Variants in RFX3 observed in about 807,000 individuals in gnomAD.
The protein encoded by RFX3 is transcription factor RFX3.
In RFX3, 14 loss-of-function variants were observed where a neutral mutation model predicts 98.6. The observed-to-expected ratio is 0.14, with a 90% CI of 0.09 to 0.22. RFX3 has a LOEUF of 0.22. RFX3 is among the 10% of genes least tolerant of loss of function. The pLI is 1.00. For synonymous variants in RFX3, 383 were observed against 328.4 expected (o/e 1.17, Z -1.80); for missense variants, 639 against 926.9 (o/e 0.69, Z 4.03).
At chr9:3,314,357 G>A (rs1830321379) in intron 4 of RFX3, among the ~76,000 whole-genome samples, 1 of 152,156 alleles carries the variant, frequency 6.6e-6, no homozygotes, top group Non-Finnish European at 1.5e-5. Flanking sequence ...TGCCTTACAA[G>A]AGCTGCTGAA....
chr9:3,515,481 A>G (rs1324132028), intron 1 of RFX3, among the ~76,000 whole-genome samples: 1 of 152,168 alleles, frequency 6.6e-6, no homozygotes, highest in Non-Finnish European at 1.5e-5. Flanking sequence ...ACGCCCCGTA[A>G]GTCCCACCTC....
intron 1 of RFX3, among the ~76,000 whole-genome samples, chr9:3,518,237 TAAGTA>T (rs1818366282): frequency 6.6e-6 from 1 of 152,204 alleles, no homozygotes; most frequent in Non-Finnish European, 1.5e-5. Context: ...TCCATATCAT[TAAGTA>T]ATGTATGACT....
chr9:3,427,299 T>C (rs190508188), intron 1 of RFX3, among the ~76,000 whole-genome samples: 5 of 143,032 alleles, frequency 3.5e-5, no homozygotes, highest in African/African-American at 1.3e-4. Context: ...TATATAAATA[T>C]ATATTGTATT....
chr9:3,275,797 A>G (rs1238862706), intron 8 of RFX3, among the ~76,000 whole-genome samples, 185 bp from the exon 9 acceptor site: 1 of 152,120 alleles, frequency 6.6e-6, no homozygotes, highest in Non-Finnish European at 1.5e-5. Flanking sequence ...CACAAAATAT[A>G]AAACTAAAGG....
chr9:3,396,378 T>A (rs1840877112), intron 1 of RFX3, among the ~76,000 whole-genome samples: 1 of 152,226 alleles, frequency 6.6e-6, no homozygotes, highest in Non-Finnish European at 1.5e-5. Context: ...ACTCATCATT[T>A]TTTATGGCTG....
intron 4 of RFX3, among the ~76,000 whole-genome samples, chr9:3,320,683 A>C (rs1831168266): frequency 6.8e-6 from 1 of 147,956 alleles, no homozygotes; most frequent in Non-Finnish European, 1.5e-5. Context: ...TTTTCATATA[A>C]ATGTGTACAT....
intron 2 of RFX3, among the ~76,000 whole-genome samples, chr9:3,350,471 T>C (rs946822961): frequency 6.6e-6 from 1 of 152,016 alleles, no homozygotes; most frequent in South Asian, 2.1e-4. Flanking sequence ...TTGGGAGGGA[T>C]GGAAAATGGT....
intron 1 of RFX3, among the ~76,000 whole-genome samples, chr9:3,443,848 C>T (rs761264704): frequency 5.9e-5 from 9 of 152,194 alleles, no homozygotes; most frequent in Middle Eastern, 3.4e-3. Flanking sequence ...CCTTTTTCTC[C>T]GCAACCTTGC....
chr9:3,277,171 C>A (rs535421970), intron 8 of RFX3, among the ~76,000 whole-genome samples, 169 bp downstream of exon 8: 43 of 152,014 alleles, frequency 2.8e-4, no homozygotes, highest in African/African-American at 8.7e-4. Context: ...CTCTAATAAA[C>A]ACGAAAGGCA....
Position 3,525,799 on chromosome 9 carries a change from T to G in RFX3, c.-61A>C. On this transcript the variant is annotated 5_prime_UTR_variant, in exon 1 of 17. Transcript: ENST00000617270. ...TGGTGGGTGATGGAGATGGTGGTGG[T>G]GGGGAGGAGGAGGAGGAAGAGGAGG... is the stretch of plus-strand genomic sequence containing the variant. 1.6e-6 allele frequency: 1 copy of G among 627,690 alleles called. No individual in the cohort carries two copies. Among genetic ancestry groups the G allele is most frequent in the Non-Finnish European group, 2.0e-6 (1 of 503,906 alleles). 38.9% of individuals were successfully genotyped at this position (627,690 alleles called of 1,614,324 possible).
chr9:3,354,566 C>T (rs924144926), intron 2 of RFX3, among the ~76,000 whole-genome samples: 1 of 151,692 alleles, frequency 6.6e-6, no homozygotes, highest in Admixed American at 6.6e-5. Flanking sequence ...AAAAAAACAG[C>T]TTTAAAGTAG....
chr9:3,356,813 C>T (rs1245088672), intron 2 of RFX3, among the ~76,000 whole-genome samples: 3 of 151,548 alleles, frequency 2.0e-5, no homozygotes, highest in Admixed American at 2.0e-4. Context: ...GAATGCAATG[C>T]CAGTTTAATA....
intron 1 of RFX3, among the ~76,000 whole-genome samples, chr9:3,460,038 C>T (rs1037965978): frequency 1.3e-5 from 2 of 151,856 alleles, no homozygotes; most frequent in Admixed American, 1.3e-4. Context: ...TTTATTATAA[C>T]AAATGTTCAA....
chr9:3,415,192 CAT>C lies in RFX3; in HGVS notation c.-8-19598_-8-19597del, dbSNP rs560950256. Reference sequence around the variant, plus strand: ...ATACTTATATATATATACACATACTCATATATATATATATATACATACTCATA... The same window carrying C: ...ATACTTATATATATATACACATACTCATATATATATATATACATACTCATA... On this transcript the variant is annotated intron_variant, in intron 1 of 16. Coordinates refer to ENST00000617270, the MANE Select transcript of RFX3 (RefSeq NM_001282116.2). Among the ~76,000 whole-genome samples, 90 of 129,910 alleles carry C rather than the reference CAT, an allele frequency of 6.9e-4. 1 individual carries two copies. The highest frequency in any genetic ancestry group is 6.9e-3 in the East Asian group (33 of 4,776). 85.2% of individuals were successfully genotyped at this position (129,910 alleles called of 152,430 possible). A position where few individuals can be genotyped will look rare whatever the true frequency, so the allele number is the denominator to read the frequency against.
At position 3,223,070 on chromosome 9, in the gene RFX3, A is replaced by AC. The variant is rs1321689898; in HGVS notation, c.*1971dup. ...GCTCACCTCGTCTTTCCAACCCCCC[A>AC]CCCCCCTTACCCCAATACCACTGGA... On this transcript the variant is annotated 3_prime_UTR_variant, in exon 17 of 17. Transcript: ENST00000617270. The AC allele has an allele frequency of 7.1e-6, 1 of 140,406 alleles. No individual in the cohort carries two copies. The highest frequency in any genetic ancestry group is 2.1e-4 in the East Asian group (1 of 4,850). The allele number at this position is 140,406 out of a possible 1,614,324, so 8.7% of individuals were successfully genotyped here.
intron 15 of RFX3, among the ~76,000 whole-genome samples, chr9:3,229,604 G>A (rs1023672187): frequency 1.3e-5 from 2 of 152,156 alleles, no homozygotes; most frequent in African/African-American, 2.4e-5. Flanking sequence ...GAGAATCTCA[G>A]GGTGAACAAA....
chr9:3,311,066 A>G (rs1794241843), intron 4 of RFX3, among the ~76,000 whole-genome samples: 2 of 152,218 alleles, frequency 1.3e-5, no homozygotes, highest in African/African-American at 4.8e-5. Context: ...ATGTATAACA[A>G]TTGCATTTTC....
At chr9:3,369,482 G>C (rs1174158908) in intron 2 of RFX3, among the ~76,000 whole-genome samples, 1 of 152,110 alleles carries the variant, frequency 6.6e-6, no homozygotes, top group Non-Finnish European at 1.5e-5. Context: ...CAAACATTCA[G>C]ACCATAGAAA....
chr9:3,298,416 T>A lies in RFX3; in HGVS notation c.549+3130A>T, dbSNP rs143287396. ...AATGTACACATGATTGGCAAAGGCA[T>A]CCTAGAATTCCTAAATAATGAAGGT... On this transcript the variant is annotated intron_variant, in intron 5 of 16. Transcript: ENST00000617270. Among the ~76,000 whole-genome samples, 925 of 151,958 alleles carry A rather than the reference T, an allele frequency of 6.1e-3. 2 individuals carry two copies. The highest frequency in any genetic ancestry group is 9.9e-3 in the Non-Finnish European group (671 of 67,820).
Sources: gnomAD v4.1 joint callset for allele counts (sites outside exome capture counted in the v4.1 genomes callset) on GRCh38, gnomAD v4.1.1 for gene constraint, MANE v1.5 for transcripts, NCBI Gene and HGNC (gene_info 2026-07-23, HGNC 2026-07-21) for gene names.